NUP160: variants seen among roughly 807,000 people sequenced by gnomAD.
The protein encoded by NUP160 is nucleoporin 160, also known as nuclear pore complex protein Nup160.
Under a neutral mutation model 196.9 loss-of-function variants are expected in NUP160, and 94 were observed. The observed-to-expected ratio is 0.48, with a 90% CI of 0.40 to 0.57. The LOEUF is 0.57. NUP160 is among the 20% of genes least tolerant of loss of function. NUP160 has a pLI of 0.00. For synonymous variants in NUP160, 605 were observed against 619.7 expected (o/e 0.98, Z 0.35); for missense variants, 1,638 against 1,748.3 (o/e 0.94, Z 1.13).
exon 6 of NUP160, chr11:47,836,906 A>T: frequency 6.2e-7 from 1 of 1,605,470 alleles, no homozygotes; most frequent in South Asian, 1.1e-5. Context: ...CCACATTCGT[A>T]GTTTATGATC....
At chr11:47,824,007 G>GCA (rs1851912944) in intron 7 of NUP160, among the ~76,000 whole-genome samples, 2 of 55,148 alleles carry the variant, frequency 3.6e-5, no homozygotes, top group Admixed American at 5.4e-4. Flanking sequence ...CAATTCTTTT[G>GCA]CATATATATA....
intron 6 of NUP160, among the ~76,000 whole-genome samples, chr11:47,836,339 G>A (rs1852175471): frequency 1.3e-5 from 2 of 152,160 alleles, no homozygotes; most frequent in Admixed American, 1.3e-4. Flanking sequence ...AATATAAGCT[G>A]TATTTTTTAG....
At chr11:47,819,649 CAA>C (rs1347558296) in intron 9 of NUP160, among the ~76,000 whole-genome samples, 191 bp from the exon 10 acceptor site, 1 of 152,072 alleles carries the variant, frequency 6.6e-6, no homozygotes, top group Non-Finnish European at 1.5e-5. Context: ...AGTTTTTATA[CAA>C]GTTTGCTTAC....
At chr11:47,812,008 T>C in intron 17 of NUP160, 56 bp downstream of exon 17, 2 of 1,559,922 alleles carry the variant, frequency 1.3e-6, no homozygotes, top group African/African-American at 1.4e-5. Flanking sequence ...TCCTAAGTGC[T>C]TGTAGGCCTA....
chr11:47,782,353 T>C (rs1038640349), intron 34 of NUP160, among the ~76,000 whole-genome samples: 8 of 113,708 alleles, frequency 7.0e-5, no homozygotes, highest in African/African-American at 1.9e-4. Context: ...TATATATATA[T>C]ATATGCGCCT....
chr11:47,836,234 C>A (rs904894040), intron 6 of NUP160, among the ~76,000 whole-genome samples: 1 of 151,818 alleles, frequency 6.6e-6, no homozygotes, highest in African/African-American at 2.4e-5. Context: ...AGTGACAGAG[C>A]GAGACTCTGT....
chr11:47,816,189 T>G (rs908497589), intron 11 of NUP160, among the ~76,000 whole-genome samples, 160 bp from the exon 12 acceptor site: 1 of 152,184 alleles, frequency 6.6e-6, no homozygotes, highest in African/African-American at 2.4e-5. Context: ...CTGGGTGTAT[T>G]TAGTCTGGAG....
chr11:47,835,811 T>C lies in NUP160; in HGVS notation c.943-2A>G. 1 of 1,569,880 alleles carries C rather than the reference T, an allele frequency of 6.4e-7. No homozygotes were observed. Among genetic ancestry groups the C allele is most frequent in the African/African-American group, 1.4e-5 (1 of 73,334 alleles). On this transcript the variant is annotated splice_acceptor_variant, in intron 6 of 35. Coordinates refer to ENST00000378460, the Ensembl canonical transcript of NUP160. LOFTEE classifies it high-confidence loss of function. The stretch of plus-strand genomic sequence containing the variant: ...AGCTACCATTAGGCACATTTGCTCC[T>C]GTCCAAGAAAATAGTTAATAGGTGA...
At chr11:47,811,020 G>A (rs1208839041) in intron 17 of NUP160, among the ~76,000 whole-genome samples, 1 of 152,072 alleles carries the variant, frequency 6.6e-6, no homozygotes, top group Non-Finnish European at 1.5e-5. Flanking sequence ...AAAATGGGAT[G>A]TCTGACTGTG....
intron 2 of NUP160, among the ~76,000 whole-genome samples, chr11:47,844,293 T>A (rs1182480691): frequency 6.6e-6 from 1 of 152,104 alleles, no homozygotes; most frequent in Non-Finnish European, 1.5e-5. Flanking sequence ...GTCAAAGCAA[T>A]CCTTTAGAAG....
intron 7 of NUP160, among the ~76,000 whole-genome samples, chr11:47,829,956 T>G (rs962147613): frequency 7.9e-5 from 12 of 152,190 alleles, no homozygotes; most frequent in Admixed American, 6.5e-4. Flanking sequence ...GAGAAAATAT[T>G]TGCAAACTAT....
At chr11:47,811,107 G>A (rs2097680852) in intron 17 of NUP160, among the ~76,000 whole-genome samples, 1 of 152,098 alleles carries the variant, frequency 6.6e-6, no homozygotes, top group Non-Finnish European at 1.5e-5. Flanking sequence ...ACAAGAGTCT[G>A]GTGGTCTAAG....
intron 7 of NUP160, 79 bp from the exon 8 acceptor site, chr11:47,822,243 A>G: frequency 9.8e-7 from 1 of 1,015,292 alleles, no homozygotes; most frequent in Non-Finnish European, 1.5e-6. Context: ...ATTACCATTC[A>G]GAAACCTTTA....
chr11:47,835,384 GTTTTTTCACC>G (rs1852153564), intron 7 of NUP160, among the ~76,000 whole-genome samples: 1 of 152,138 alleles, frequency 6.6e-6, no homozygotes, highest in African/African-American at 2.4e-5. Context: ...CAGGAATTCT[GTTTTTTCACC>G]TAGAACTCCT....
chr11:47,779,340 G>C lies in NUP160; in HGVS notation c.4222-146C>G, dbSNP rs1486053387. The C allele has an allele frequency of 6.7e-6, 4 of 595,920 alleles. 1 individual carries two copies. Among genetic ancestry groups the C allele is most frequent in the African/African-American group, 5.6e-5 (3 of 53,496 alleles). 36.9% of individuals were successfully genotyped at this position (595,920 alleles called of 1,614,324 possible). ...TTCATAAAATCACCATTTGTTATAG[G>C]AGTCTCCTCTGTGACTCTACTGATA... is the stretch of plus-strand genomic sequence containing the variant. On this transcript the variant is annotated intron_variant, in intron 35 of 35. Coordinates refer to ENST00000378460, the Ensembl canonical transcript of NUP160.
intron 29 of NUP160, among the ~76,000 whole-genome samples, 195 bp from the exon 30 acceptor site, chr11:47,788,806 G>T (rs2097666228): frequency 6.6e-6 from 1 of 151,256 alleles, no homozygotes; most frequent in African/African-American, 2.4e-5. Context: ...TCAAATCAAA[G>T]TATTTTAACC....
chr11:47,825,306 C>T (rs975786250), intron 7 of NUP160, among the ~76,000 whole-genome samples: 7 of 149,842 alleles, frequency 4.7e-5, no homozygotes, highest in African/African-American at 1.2e-4. Context: ...TTTTTGGAGA[C>T]GAGTCTCGCT....
At chr11:47,813,018 G>C in exon 15 of NUP160, 1 of 1,610,724 alleles carries the variant, frequency 6.2e-7, no homozygotes, top group Non-Finnish European at 8.5e-7. Context: ...CATTTTATAA[G>C]ACATATGACA....
At chr11:47,784,785 TC>T in intron 33 of NUP160, 136 bp downstream of exon 33, 1 of 550,070 alleles carries the variant, frequency 1.8e-6, no homozygotes, top group Non-Finnish European at 3.0e-6. Context: ...CAAGCCATCC[TC>T]CCCTGTTGGC....
Sources: allele counts gnomAD v4.1 joint callset (sites outside exome capture counted in the v4.1 genomes callset), GRCh38; gene constraint gnomAD v4.1.1; transcripts MANE v1.5; gene names NCBI Gene and HGNC (gene_info 2026-07-23, HGNC 2026-07-21).